The following PSTPIP1 variants were observed in gnomAD, a reference collection of about 807,000 sequenced individuals.
PSTPIP1 encodes the protein proline-serine-threonine phosphatase interacting protein 1.
A neutral mutation model predicts 69.6 loss-of-function variants in PSTPIP1; 66 were observed. That is an observed-to-expected ratio of 0.95 (90% CI 0.78 to 1.16). PSTPIP1 has a LOEUF of 1.16. Among genes scored for constraint, PSTPIP1 ranks in the 50% most tolerant of loss-of-function variants. The pLI, the probability that PSTPIP1 is intolerant of heterozygous loss-of-function variation, is 0.00. For synonymous variants in PSTPIP1, 266 were observed against 222.7 expected (o/e 1.19, Z -1.73); for missense variants, 603 against 557.4 (o/e 1.08, Z -0.82).
At chr15:77,013,182 C>G (rs2075980581) in intron 1 of PSTPIP1, among the ~76,000 whole-genome samples, 1 of 152,356 alleles carries the variant, frequency 6.6e-6, no homozygotes, top group Non-Finnish European at 1.5e-5. Context: ...GCTGCTACGT[C>G]TTGCTTCCCC....
chr15:77,020,319 C>T (rs1281506939), intron 3 of PSTPIP1, among the ~76,000 whole-genome samples: 2 of 152,110 alleles, frequency 1.3e-5, no homozygotes, highest in Non-Finnish European at 2.9e-5. Flanking sequence ...ATGGTCCTCC[C>T]TGTCTCTGAG....
rs2076370469 is a variant in PSTPIP1 at position 77,029,697 on chromosome 15, C to T, written c.562+123C>T. The T allele has an allele frequency of 1.1e-5, 12 of 1,131,658 alleles. 1 individual carries two copies. The South Asian group carries it at 1.7e-4, about 16-fold the overall frequency. 70.1% of individuals were successfully genotyped at this position (1,131,658 alleles called of 1,614,324 possible). A position where few individuals can be genotyped will look rare whatever the true frequency, so the allele number is the denominator to read the frequency against. ...GCTGCACAATCATGGGCGCGGCGCT[C>T]TCATTCCAGATATGTGCCGTCAAAG... On this transcript the variant is annotated intron_variant, in intron 8 of 14. Coordinates refer to ENST00000558012, the MANE Select transcript of PSTPIP1 (RefSeq NM_003978.5).
At chr15:77,036,672 G>A (rs922527176) in intron 14 of PSTPIP1, among the ~76,000 whole-genome samples, 2 of 152,154 alleles carry the variant, frequency 1.3e-5, no homozygotes, top group Non-Finnish European at 2.9e-5. Context: ...TACTTGGATG[G>A]CAGTGGCTAG....
intron 3 of PSTPIP1, among the ~76,000 whole-genome samples, chr15:77,022,119 CAG>C (rs1482898527): frequency 1.3e-5 from 2 of 152,248 alleles, no homozygotes; most frequent in Non-Finnish European, 2.9e-5. Flanking sequence ...GTTTTCCTGT[CAG>C]AGAGATTTTT....
chr15:77,023,194 TGAG>T (rs2076199821), intron 3 of PSTPIP1, among the ~76,000 whole-genome samples: 1 of 152,060 alleles, frequency 6.6e-6, no homozygotes, highest in African/African-American at 2.4e-5. Flanking sequence ...CTGGGGACAA[TGAG>T]GAGGAGAGCC....
At position 77,031,655 on chromosome 15, in the gene PSTPIP1, G is replaced by A. The variant is rs180899627; in HGVS notation, c.741+377G>A. ...TCTAGGCCTGGTGCTTGCAGGAGCC[G>A]AGGCGCAGTCCTTCCTCTGCTCCCC... On this transcript the variant is annotated intron_variant, in intron 10 of 14. Coordinates refer to ENST00000558012, the MANE Select transcript of PSTPIP1 (RefSeq NM_003978.5). The A allele has an allele frequency of 5.6e-3, 1,145 of 205,702 alleles. 5 individuals are homozygous for A. Among genetic ancestry groups the A allele is most frequent in the Non-Finnish European group, 6.9e-3 (684 of 99,546 alleles). 12.7% of individuals were successfully genotyped at this position (205,702 alleles called of 1,614,324 possible).
intron 1 of PSTPIP1, among the ~76,000 whole-genome samples, chr15:77,013,667 C>T (rs1306569343): frequency 6.6e-6 from 1 of 152,188 alleles, no homozygotes; most frequent in Non-Finnish European, 1.5e-5. Flanking sequence ...CCCTGTCAGG[C>T]TATTCTCATG....
chr15:77,011,087 C>G (rs538032246), intron 1 of PSTPIP1, among the ~76,000 whole-genome samples: 6 of 152,186 alleles, frequency 3.9e-5, no homozygotes, highest in Non-Finnish European at 7.3e-5. Flanking sequence ...ATTGAGAAGG[C>G]CTATTTAAAA....
intron 1 of PSTPIP1, 78 bp from the exon 2 acceptor site, chr15:77,018,070 G>A: frequency 1.4e-6 from 2 of 1,404,282 alleles, no homozygotes; most frequent in Non-Finnish European, 2.0e-6. Flanking sequence ...TCCCAGAGAT[G>A]GTGGGAGGGT....
intron 1 of PSTPIP1, among the ~76,000 whole-genome samples, chr15:76,998,190 A>G (rs571976850): frequency 2.3e-4 from 35 of 152,334 alleles, no homozygotes; most frequent in African/African-American, 7.7e-4. Flanking sequence ...GTGAGCTGAG[A>G]TTGTGCCACT....
chr15:77,001,614 G>A (rs1200168904), intron 1 of PSTPIP1, among the ~76,000 whole-genome samples: 4 of 152,184 alleles, frequency 2.6e-5, no homozygotes, highest in Admixed American at 2.6e-4. Context: ...GTACCTTCCC[G>A]GCACCTGCCT....
intron 1 of PSTPIP1, among the ~76,000 whole-genome samples, chr15:77,014,861 C>T (rs528172677): frequency 4.4e-4 from 67 of 152,376 alleles, no homozygotes; most frequent in Middle Eastern, 3.4e-3. Context: ...CTCCCAAGAG[C>T]CTCCTCCTGG....
intron 14 of PSTPIP1, among the ~76,000 whole-genome samples, chr15:77,036,223 T>C (rs1050322842): frequency 6.6e-6 from 1 of 152,112 alleles, no homozygotes; most frequent in Non-Finnish European, 1.5e-5. Context: ...TGCCCGGGCC[T>C]GTACACAGCA....
intron 1 of PSTPIP1, among the ~76,000 whole-genome samples, chr15:76,998,263 A>G (rs1003048526): frequency 1.3e-5 from 2 of 152,182 alleles, no homozygotes; most frequent in Non-Finnish European, 2.9e-5. Context: ...TAAACTGGAA[A>G]GATCATGTTT....
chr15:77,001,954 G>T (rs1390201590), intron 1 of PSTPIP1, among the ~76,000 whole-genome samples: 1 of 152,200 alleles, frequency 6.6e-6, no homozygotes, highest in South Asian at 2.1e-4. Flanking sequence ...TGAACCATAT[G>T]AATGTATTAA....
intron 11 of PSTPIP1, 76 bp from the exon 12 acceptor site, chr15:77,032,786 G>C: frequency 7.7e-7 from 1 of 1,300,944 alleles, no homozygotes; most frequent in South Asian, 1.4e-5. Flanking sequence ...TGGGAATGTA[G>C]GGCCCCAGCT....
intron 1 of PSTPIP1, among the ~76,000 whole-genome samples, chr15:77,006,826 G>A (rs1050797453): frequency 5.9e-5 from 9 of 152,102 alleles, no homozygotes; most frequent in African/African-American, 7.2e-5. Context: ...TGACACTACC[G>A]CACTACTTCA....
At chr15:77,015,057 G>T (rs2076022133) in intron 1 of PSTPIP1, among the ~76,000 whole-genome samples, 1 of 152,218 alleles carries the variant, frequency 6.6e-6, no homozygotes, top group African/African-American at 2.4e-5. Flanking sequence ...CTGTTCATGG[G>T]TTACCCAGAG....
At position 77,027,670 on chromosome 15, in the gene PSTPIP1, T is replaced by A; in HGVS notation, c.355-182T>A. ...CACACCCATGCCCTGTGATTCTCTG[T>A]GGCCTTCCATTGTGAGGGTCACTGT... On this transcript the variant is annotated intron_variant, in intron 5 of 14. Transcript: ENST00000558012. The surrounding 1 kb of genome is among the most constrained non-coding windows in gnomAD (Gnocchi z 4.3). 1 of 706,110 alleles carries A rather than the reference T, an allele frequency of 1.4e-6. No homozygotes were observed. The highest frequency in any genetic ancestry group is 2.5e-6 in the Non-Finnish European group (1 of 392,436). 43.7% of individuals were successfully genotyped at this position (706,110 alleles called of 1,614,324 possible).
Sources: allele counts gnomAD v4.1 joint callset (sites outside exome capture counted in the v4.1 genomes callset), GRCh38; gene constraint gnomAD v4.1.1; non-coding constraint Gnocchi (gnomAD v3.1); transcripts MANE v1.5; gene names NCBI Gene and HGNC (gene_info 2026-07-23, HGNC 2026-07-21).